Variants in GRAMD1C observed in about 807,000 individuals in gnomAD.
GRAMD1C encodes the protein protein Aster-C.
A neutral mutation model predicts 97.8 loss-of-function variants in GRAMD1C; 89 were observed. That is an observed-to-expected ratio of 0.91 (90% CI 0.77 to 1.09). GRAMD1C has a LOEUF of 1.09. GRAMD1C is among the 50% of genes least tolerant of loss of function. GRAMD1C has a pLI of 0.00. For missense variants in GRAMD1C, 740 were observed against 766.4 expected (o/e 0.97, Z 0.41); for synonymous variants, 256 against 267.0 (o/e 0.96, Z 0.40).
At position 113,838,844 on chromosome 3, in the gene GRAMD1C, A is replaced by G. The variant is rs1017801092; in HGVS notation, c.-66A>G. The G allele has an allele frequency of 5.1e-6, 6 of 1,168,686 alleles. No homozygotes were observed. Among genetic ancestry groups the G allele is most frequent in the Non-Finnish European group, 6.4e-6 (6 of 932,136 alleles). 72.4% of individuals were successfully genotyped at this position (1,168,686 alleles called of 1,614,324 possible). ...GCCTGTAACTCGCAGCGCGCGCTGG[A>G]GGTGGGCGCGGGGCGGTGCGGTGCG... On this transcript the variant is annotated 5_prime_UTR_variant, in exon 1 of 18. Coordinates refer to ENST00000358160, the MANE Select transcript of GRAMD1C (RefSeq NM_017577.5).
chr3:113,852,979 A>G (rs775338976), intron 2 of GRAMD1C, among the ~76,000 whole-genome samples: 1 of 152,224 alleles, frequency 6.6e-6, no homozygotes, highest in Non-Finnish European at 1.5e-5. Flanking sequence ...TTAGTACTCT[A>G]TAAGTGAGCA....
At chr3:113,915,087 A>G (rs900157527) in intron 9 of GRAMD1C, among the ~76,000 whole-genome samples, 2 of 152,226 alleles carry the variant, frequency 1.3e-5, no homozygotes, top group African/African-American at 2.4e-5. Context: ...AAAAAATGTA[A>G]TAATTCATTG....
At chr3:113,931,613 T>C (rs1937429465) in intron 11 of GRAMD1C, among the ~76,000 whole-genome samples, 1 of 151,992 alleles carries the variant, frequency 6.6e-6, no homozygotes, top group Admixed American at 6.6e-5. Flanking sequence ...TGCCTCAACC[T>C]CCCAAAGAAA....
At chr3:113,837,529 C>T (rs984432196), upstream of GRAMD1C, among the ~76,000 whole-genome samples, 1 of 152,002 alleles carries the variant, frequency 6.6e-6, no homozygotes, top group Non-Finnish European at 1.5e-5. Context: ...AGCTCCAAGG[C>T]GAGAAGGAGG....
At chr3:113,903,799 C>G (rs1936258508) in intron 7 of GRAMD1C, among the ~76,000 whole-genome samples, 1 of 151,754 alleles carries the variant, frequency 6.6e-6, no homozygotes. Flanking sequence ...CAAACATCTA[C>G]TCTGTACCTG....
At chr3:113,894,953 G>T (rs1438781783) in intron 6 of GRAMD1C, among the ~76,000 whole-genome samples, 1 of 151,982 alleles carries the variant, frequency 6.6e-6, no homozygotes, top group Non-Finnish European at 1.5e-5. Flanking sequence ...CAGGTGTGTT[G>T]GGGAAAAAGG....
chr3:113,945,679 A>T lies in GRAMD1C; in HGVS notation c.*201A>T, dbSNP rs146075957. 7.2e-4 allele frequency: 364 copies of T among 505,356 alleles called. 1 individual carries two copies. Among genetic ancestry groups the T allele is most frequent in the African/African-American group, 6.8e-3 (344 of 50,352 alleles). The allele number at this position is 505,356 out of a possible 1,614,324, so 31.3% of individuals were successfully genotyped here. A position where few individuals can be genotyped will look rare whatever the true frequency, so the allele number is the denominator to read the frequency against. On this transcript the variant is annotated 3_prime_UTR_variant, in exon 18 of 18. Transcript: ENST00000358160. ...TTAATAATCCATCCTTTCACTTCTT[A>T]TAGATATTTTTAAGCTGTGAATTTC...
At chr3:113,861,443 T>A (rs1285780188) in intron 2 of GRAMD1C, among the ~76,000 whole-genome samples, 2 of 152,128 alleles carry the variant, frequency 1.3e-5, no homozygotes, top group African/African-American at 4.8e-5. Flanking sequence ...AGTTTGAGGC[T>A]GCACTGTGCT....
At chr3:113,900,816 A>G (rs1258638196) in intron 6 of GRAMD1C, among the ~76,000 whole-genome samples, 1 of 152,102 alleles carries the variant, frequency 6.6e-6, no homozygotes, top group Non-Finnish European at 1.5e-5. Context: ...AAATCATTTT[A>G]TCTATTCCTT....
At chr3:113,897,077 G>A (rs554042660) in intron 6 of GRAMD1C, among the ~76,000 whole-genome samples, 8 of 152,242 alleles carry the variant, frequency 5.3e-5, no homozygotes, top group East Asian at 3.9e-4. Context: ...TATTCCACCT[G>A]AACAGCTGGC....
intron 2 of GRAMD1C, chr3:113,850,764 G>A: frequency 8.9e-7 from 1 of 1,129,682 alleles, no homozygotes; most frequent in Non-Finnish European, 1.3e-6. Context: ...GCTGAGGCTG[G>A]AAAGGATATA....
At chr3:113,886,774 CTTGTTT>C (rs1160183883) in intron 6 of GRAMD1C, among the ~76,000 whole-genome samples, 2 of 121,956 alleles carry the variant, frequency 1.6e-5, no homozygotes, top group African/African-American at 6.1e-5. Context: ...TGTTTGTTTG[CTTGTTT>C]TTTTTTTTTT....
At chr3:113,935,777 A>T (rs952559801) in intron 13 of GRAMD1C, among the ~76,000 whole-genome samples, 4 of 152,202 alleles carry the variant, frequency 2.6e-5, no homozygotes, top group African/African-American at 9.6e-5. Flanking sequence ...AAATTCTGGC[A>T]GAGGAAAAGT....
chr3:113,889,355 T>A (rs1211313980), intron 6 of GRAMD1C, among the ~76,000 whole-genome samples: 1 of 152,198 alleles, frequency 6.6e-6, no homozygotes, highest in Non-Finnish European at 1.5e-5. Flanking sequence ...TCTGTTCTTA[T>A]GAAATGTTTA....
chr3:113,923,120 A>G (rs955203441), intron 10 of GRAMD1C, among the ~76,000 whole-genome samples: 2 of 151,586 alleles, frequency 1.3e-5, no homozygotes, highest in Non-Finnish European at 2.9e-5. Context: ...TTGTACATTG[A>G]TTTTTGTATC....
At chr3:113,853,529 T>C (rs564034168) in intron 2 of GRAMD1C, among the ~76,000 whole-genome samples, 10 of 152,292 alleles carry the variant, frequency 6.6e-5, no homozygotes, top group South Asian at 2.1e-4. Flanking sequence ...TTAAGGAGTA[T>C]GTGAGCAGAG....
Position 113,938,154 on chromosome 3 carries a change from G to A in GRAMD1C, c.1691+11G>A. Reference sequence around the variant, plus strand: ...GGTAATGAGTATTTTGTAAGTATTTGTTGTGAATGCTTATTTTGCTTGTTT... The same window carrying A: ...GGTAATGAGTATTTTGTAAGTATTTATTGTGAATGCTTATTTTGCTTGTTT... On this transcript the variant is annotated intron_variant, in intron 15 of 17. Transcript: ENST00000358160. 2.3e-6 allele frequency: 3 copies of A among 1,328,776 alleles called. No individual in the cohort carries two copies. Among genetic ancestry groups the A allele is most frequent in the Non-Finnish European group, 3.2e-6 (3 of 951,930 alleles). 82.3% of individuals were successfully genotyped at this position (1,328,776 alleles called of 1,614,324 possible).
intron 6 of GRAMD1C, chr3:113,885,329 G>A (rs1390641563): frequency 7.6e-6 from 12 of 1,588,864 alleles, no homozygotes; most frequent in African/African-American, 2.7e-5. Flanking sequence ...CTGGGACTGC[G>A]CACGTTCGTG....
At chr3:113,905,370 A>G (rs1936333042) in intron 8 of GRAMD1C, among the ~76,000 whole-genome samples, 1 of 152,184 alleles carries the variant, frequency 6.6e-6, no homozygotes. Flanking sequence ...TTAGTGAAGA[A>G]TGGTATTTAG....
Sources: allele counts gnomAD v4.1 joint callset (sites outside exome capture counted in the v4.1 genomes callset), GRCh38; gene constraint gnomAD v4.1.1; transcripts MANE v1.5; gene names NCBI Gene and HGNC (gene_info 2026-07-23, HGNC 2026-07-21).